RPH3AL: variants seen among roughly 807,000 people sequenced by gnomAD.
RPH3AL encodes the protein rab effector Noc2.
In RPH3AL, 38 loss-of-function variants were observed where a neutral mutation model predicts 43.1. The ratio of observed to expected loss-of-function variants is 0.88; its 90% CI spans 0.68 to 1.15. The LOEUF is 1.15. RPH3AL is among the 50% of genes most tolerant of loss of function. The probability of loss-of-function intolerance (pLI) is 0.00; values close to 1 mark genes in which losing one functional copy is unlikely to be tolerated. For synonymous variants in RPH3AL, 189 were observed against 176.3 expected, an observed-to-expected ratio of 1.07 and a Z score of -0.57; for missense variants, 462 against 423.2, an observed-to-expected ratio of 1.09 and a Z score of -0.81.
intron 6 of RPH3AL, among the ~76,000 whole-genome samples, chr17:267,946 C>G (rs934519725): frequency 2.0e-5 from 3 of 152,052 alleles, no homozygotes; most frequent in Non-Finnish European, 4.4e-5. Context: ...CCAGTAAATA[C>G]CTGTGAGCTC....
intron 6 of RPH3AL, among the ~76,000 whole-genome samples, chr17:257,623 A>G (rs1234674206): frequency 2.6e-5 from 1 of 38,004 alleles, no homozygotes; most frequent in African/African-American, 1.9e-4. Flanking sequence ...TTCCATCCCT[A>G]GGAATATGAC....
intron 7 of RPH3AL, among the ~76,000 whole-genome samples, chr17:230,897 G>A (rs1009602113): frequency 2.2e-4 from 34 of 152,240 alleles, no homozygotes; most frequent in African/African-American, 7.7e-4. Context: ...TGTTGTCCAG[G>A]TTGGTCTCGA....
At chr17:315,866 G>A (rs2044106208) in intron 5 of RPH3AL, among the ~76,000 whole-genome samples, 151 of 117,066 alleles carry the variant, frequency 1.3e-3, no homozygotes, top group African/African-American at 5.0e-3. Context: ...TAGTCCCTGT[G>A]CCCCCACCTC....
chr17:231,532 T>A (rs1207573261), intron 7 of RPH3AL, among the ~76,000 whole-genome samples: 1 of 147,382 alleles, frequency 6.8e-6, no homozygotes, highest in African/African-American at 2.5e-5. Flanking sequence ...GGCGGTTATC[T>A]CCCAGGCCTT....
intron 6 of RPH3AL, among the ~76,000 whole-genome samples, chr17:269,516 A>C (rs964530638): frequency 1.3e-5 from 2 of 152,176 alleles, no homozygotes; most frequent in Non-Finnish European, 2.9e-5. Context: ...TAAGTGATTC[A>C]AGAATAGAGC....
At position 319,553 on chromosome 17, in the gene RPH3AL, C is replaced by T. The variant is rs758443013; in HGVS notation, c.222-4G>A. On this transcript the variant is annotated splice_region_variant and splice_polypyrimidine_tract_variant and intron_variant, in intron 4 of 9. Coordinates refer to ENST00000331302, the MANE Select transcript of RPH3AL (RefSeq NM_006987.4). ...CTCCAGCCGCTCCACCAGCCGCCTG[C>T]AGCACAGGACACAGAGTCAGAGGGA... 7.5e-6 allele frequency: 12 copies of T among 1,610,046 alleles called. No homozygotes were observed. Among genetic ancestry groups the T allele is most frequent in the Admixed American group, 1.7e-5 (1 of 59,994 alleles).
chr17:272,797 C>G (rs953920305), intron 6 of RPH3AL, among the ~76,000 whole-genome samples: 3 of 144,674 alleles, frequency 2.1e-5, no homozygotes, highest in Admixed American at 7.1e-5. Context: ...CACCAAAAAA[C>G]CATGTAAGAC....
rs149432189 is a variant in RPH3AL at position 344,445 on chromosome 17, A to G, written c.-213+8267T>C. Reference sequence around the variant, plus strand: ...ATCATCACCATCACCACCATCAGACATCATCACCACTATCATGACCATCAC... The same window carrying G: ...ATCATCACCATCACCACCATCAGACGTCATCACCACTATCATGACCATCAC... On this transcript the variant is annotated intron_variant, in intron 1 of 9. Coordinates refer to ENST00000331302, the MANE Select transcript of RPH3AL (RefSeq NM_006987.4). 5.5e-5 allele frequency among the ~76,000 whole-genome samples: 7 copies of G among 127,170 alleles called. 1 individual carries two copies. Among genetic ancestry groups the G allele is most frequent in the Admixed American group, 1.5e-4 (2 of 13,280 alleles). 83.4% of individuals were successfully genotyped at this position (127,170 alleles called of 152,430 possible).
intron 7 of RPH3AL, among the ~76,000 whole-genome samples, chr17:240,875 C>T (rs1204053961): frequency 6.6e-6 from 1 of 151,916 alleles, no homozygotes; most frequent in Admixed American, 6.6e-5. Flanking sequence ...CTGGCCAACA[C>T]GGTGAACCCT....
chr17:341,841 C>A (rs1438824875), intron 1 of RPH3AL, among the ~76,000 whole-genome samples: 2 of 152,176 alleles, frequency 1.3e-5, no homozygotes, highest in East Asian at 3.8e-4. Context: ...CACCACTGTG[C>A]CTGGCTGACT....
At chr17:258,589 C>G (rs2042123072) in intron 6 of RPH3AL, among the ~76,000 whole-genome samples, 1 of 152,134 alleles carries the variant, frequency 6.6e-6, no homozygotes, top group Non-Finnish European at 1.5e-5. Flanking sequence ...ATCCCAGCCC[C>G]CGGCCCGTGC....
At chr17:271,763 T>C (rs1038267716) in intron 6 of RPH3AL, among the ~76,000 whole-genome samples, 2 of 152,306 alleles carry the variant, frequency 1.3e-5, no homozygotes, top group African/African-American at 4.8e-5. Context: ...CCTTTATTTC[T>C]TTCTCCTGCC....
At chr17:253,319 C>T (rs1346837498) in intron 6 of RPH3AL, among the ~76,000 whole-genome samples, 2 of 152,070 alleles carry the variant, frequency 1.3e-5, no homozygotes, top group Non-Finnish European at 2.9e-5. Flanking sequence ...GCAATGTGGC[C>T]AAGCCATCTC....
rs564429958 is a variant in RPH3AL, at chr17:342,608, C to T, written c.-212-8674G>A. On this transcript the variant is annotated intron_variant, in intron 1 of 9. Coordinates refer to ENST00000331302, the MANE Select transcript of RPH3AL (RefSeq NM_006987.4). Reference sequence around the variant, plus strand: ...AAAAGAAGCCAGTCACAAAAAACCACATATATGATCCCATTTATGTAAAAT... The same window carrying T: ...AAAAGAAGCCAGTCACAAAAAACCATATATATGATCCCATTTATGTAAAAT... 3.9e-5 allele frequency among the ~76,000 whole-genome samples: 6 copies of T among 152,304 alleles called. No individual in the cohort carries two copies. The South Asian group carries it at 1.2e-3, about 32-fold the overall frequency.
At chr17:300,850 T>C (rs1380704664) in intron 5 of RPH3AL, among the ~76,000 whole-genome samples, 9 of 146,766 alleles carry the variant, frequency 6.1e-5, no homozygotes, top group Admixed American at 6.7e-5. Flanking sequence ...AGCCTAGGCC[T>C]GCAGAATCTC....
chr17:326,437 C>T (rs1419485395), intron 3 of RPH3AL, among the ~76,000 whole-genome samples: 1 of 152,214 alleles, frequency 6.6e-6, no homozygotes, highest in Non-Finnish European at 1.5e-5. Flanking sequence ...GGACTTATCA[C>T]ATGCCAGAGA....
Position 321,703 on chromosome 17 carries a change from A to G in RPH3AL, c.78-288T>C, listed in dbSNP as rs574624154. 337 of 381,942 alleles carry G rather than the reference A, an allele frequency of 8.8e-4. 1 individual carries two copies. Among genetic ancestry groups the G allele is most frequent in the African/African-American group, 2.0e-3 (91 of 46,512 alleles). 23.7% of individuals were successfully genotyped at this position (381,942 alleles called of 1,614,324 possible). A position where few individuals can be genotyped will look rare whatever the true frequency, so the allele number is the denominator to read the frequency against. On this transcript the variant is annotated intron_variant, in intron 3 of 9. Transcript: ENST00000331302. ...GTGCTGTGTGCCGGGGACAAGGCACATGGGCAACAGAGACGGCCCAGGTGC... is the reference window on the plus strand; with the variant it reads ...GTGCTGTGTGCCGGGGACAAGGCACGTGGGCAACAGAGACGGCCCAGGTGC...
Position 309,841 on chromosome 17 carries a change from G to T in RPH3AL, c.351+9579C>A, listed in dbSNP as rs138184131. On this transcript the variant is annotated intron_variant, in intron 5 of 9. Coordinates refer to ENST00000331302, the MANE Select transcript of RPH3AL (RefSeq NM_006987.4). ...CTCGGTGCAAAGTGGGCTCAAGCCAGGTTAGGGGAAAGGTCAGGTTCTGAC... is the reference window on the plus strand; with the variant it reads ...CTCGGTGCAAAGTGGGCTCAAGCCATGTTAGGGGAAAGGTCAGGTTCTGAC... Among the ~76,000 whole-genome samples, 263 of 152,268 alleles carry T rather than the reference G, an allele frequency of 1.7e-3. 2 individuals carry two copies. The East Asian group carries it at 0.027, about 15-fold the overall frequency.
At chr17:228,792 C>T (rs1031988266) in intron 7 of RPH3AL, among the ~76,000 whole-genome samples, 3 of 152,154 alleles carry the variant, frequency 2.0e-5, no homozygotes, top group Admixed American at 6.6e-5. Flanking sequence ...CCTCTCCAGG[C>T]GGCCAGTCCC....
Sources: gnomAD v4.1 joint callset for allele counts (sites outside exome capture counted in the v4.1 genomes callset) on GRCh38, gnomAD v4.1.1 for gene constraint, MANE v1.5 for transcripts, NCBI Gene and HGNC (gene_info 2026-07-23, HGNC 2026-07-21) for gene names.